OTUD7A: variants seen among roughly 807,000 people sequenced by gnomAD.
OTUD7A encodes the protein OTU deubiquitinase 7A.
A neutral mutation model predicts 65.7 loss-of-function variants in OTUD7A; 12 were observed. The observed-to-expected ratio is 0.18, with a 90% CI of 0.12 to 0.30. The LOEUF (loss-of-function observed/expected upper bound fraction) is 0.30. OTUD7A is among the 10% of genes least tolerant of loss of function. The probability of loss-of-function intolerance (pLI) is 1.00; values close to 1 mark genes in which losing one functional copy is unlikely to be tolerated. For missense variants in OTUD7A, 1,148 were observed against 1,304.8 expected, an observed-to-expected ratio of 0.88 and a Z score of 1.85; for synonymous variants, 641 against 586.3, an observed-to-expected ratio of 1.09 and a Z score of -1.35.
rs1332650899 is a variant in OTUD7A at position 31,526,491 on chromosome 15, G to A, written c.781-30C>T. ...CAGAGGGGAGCCGGCTCAGAAGGGG[G>A]GTGGGCCACAGCTGCGCTGCCCTCC... On this transcript the variant is annotated intron_variant, in intron 7 of 12. Transcript: ENST00000307050. 28 of 1,517,990 alleles carry A rather than the reference G, an allele frequency of 1.8e-5. No individual in the cohort carries two copies. The South Asian group carries it at 3.1e-4, about 17-fold the overall frequency. 94.0% of individuals were successfully genotyped at this position (1,517,990 alleles called of 1,614,324 possible).
At chr15:31,496,963 G>A (rs998599491) in intron 10 of OTUD7A, among the ~76,000 whole-genome samples, 2 of 152,204 alleles carry the variant, frequency 1.3e-5, no homozygotes, top group Admixed American at 1.3e-4. Context: ...CCCAATAAAG[G>A]GATGGCCAAC....
chr15:31,801,668 CTGTG>C (rs944255551), intron 1 of OTUD7A, among the ~76,000 whole-genome samples: 37 of 152,242 alleles, frequency 2.4e-4, no homozygotes, highest in Admixed American at 2.4e-3. Context: ...CTACATTGTG[CTGTG>C]TGTATGTGTG....
intron 1 of OTUD7A, among the ~76,000 whole-genome samples, chr15:31,746,271 C>T (rs537576326): frequency 1.3e-5 from 2 of 152,268 alleles, no homozygotes; most frequent in Admixed American, 1.3e-4. Context: ...AATAGTGACA[C>T]AACACTGAAA....
At chr15:31,856,631 C>G (rs1196941613) in intron 1 of OTUD7A, among the ~76,000 whole-genome samples, 1 of 152,204 alleles carries the variant, frequency 6.6e-6, no homozygotes, top group Non-Finnish European at 1.5e-5. Context: ...CAAAACACCA[C>G]AAGCAAAGTG....
At chr15:31,674,059 G>A (rs2141298636) in intron 1 of OTUD7A, among the ~76,000 whole-genome samples, 1 of 152,236 alleles carries the variant, frequency 6.6e-6, no homozygotes, top group South Asian at 2.1e-4. Context: ...ACCTAGATTG[G>A]AATCAGTACT....
chr15:31,530,485 C>T (rs1012842542), intron 6 of OTUD7A, among the ~76,000 whole-genome samples: 4 of 152,184 alleles, frequency 2.6e-5, no homozygotes, highest in African/African-American at 9.7e-5. Context: ...TTCTATCACG[C>T]CAGGTCTTTT....
chr15:31,658,792 C>T lies in OTUD7A; in HGVS notation c.-99-1715G>A, dbSNP rs1186897166. ...CCTGTAATCCCAGCACTTTGGGAGG[C>T]CGAGGCTCGTAGATCACCTGAGGTC... is the stretch of plus-strand genomic sequence containing the variant. On this transcript the variant is annotated intron_variant, in intron 1 of 12. Coordinates refer to ENST00000307050, the MANE Select transcript of OTUD7A (RefSeq NM_001382637.1). Among the ~76,000 whole-genome samples, 6 of 151,680 alleles carry T rather than the reference C, an allele frequency of 4.0e-5. No homozygotes were observed. In the East Asian group the frequency reaches 9.7e-4, roughly 24 times the overall value.
chr15:31,770,889 A>G (rs1208067666), intron 1 of OTUD7A, among the ~76,000 whole-genome samples: 1 of 152,236 alleles, frequency 6.6e-6, no homozygotes, highest in African/African-American at 2.4e-5. Context: ...CAGATTAAGA[A>G]TATAAAAGGA....
intron 3 of OTUD7A, among the ~76,000 whole-genome samples, chr15:31,578,986 T>C (rs1889290273): frequency 6.6e-6 from 1 of 152,228 alleles, no homozygotes; most frequent in Admixed American, 6.5e-5. Context: ...TGGTCACTCA[T>C]ATTTGGCTCC....
intron 1 of OTUD7A, among the ~76,000 whole-genome samples, chr15:31,791,051 G>A (rs899405931): frequency 1.3e-5 from 2 of 152,102 alleles, no homozygotes; most frequent in African/African-American, 4.8e-5. Context: ...CTTTTGAGAC[G>A]GAGTCTTGTT....
At chr15:31,803,659 G>A (rs753028742) in intron 1 of OTUD7A, among the ~76,000 whole-genome samples, 16 of 152,184 alleles carry the variant, frequency 1.1e-4, no homozygotes, top group South Asian at 2.1e-4. Context: ...ATTATGACTC[G>A]GAAGACTGGC....
At chr15:31,585,049 C>G (rs889741498) in intron 3 of OTUD7A, among the ~76,000 whole-genome samples, 1 of 152,198 alleles carries the variant, frequency 6.6e-6, no homozygotes, top group African/African-American at 2.4e-5. Context: ...GACATTGCGC[C>G]TCCCTTTGTT....
chr15:31,570,807 G>C (rs1167579914), intron 3 of OTUD7A, among the ~76,000 whole-genome samples: 1 of 152,028 alleles, frequency 6.6e-6, no homozygotes, highest in Non-Finnish European at 1.5e-5. Flanking sequence ...CCCCGACACG[G>C]GGTGCTGGAC....
chr15:31,870,432 C>A, intron 1 of OTUD7A, 75 bp downstream of exon 1: 1 of 147,028 alleles, frequency 6.8e-6, no homozygotes, highest in South Asian at 1.9e-4. Context: ...GCCCCGCGCC[C>A]GGAGAGCGCA....
chr15:31,833,169 G>GA (rs879727368), intron 1 of OTUD7A, among the ~76,000 whole-genome samples: 2 of 152,162 alleles, frequency 1.3e-5, no homozygotes, highest in African/African-American at 2.4e-5. Context: ...CTTTCCCAGA[G>GA]AAAAAATGAA....
rs920557177 is a variant in OTUD7A, at chr15:31,483,805, G to A, written c.2291C>T (p.Pro764Leu). Residue 764 changes from proline to leucine, a missense_variant, in exon 13 of 13, where the codon CCA becomes CTA. Physicochemically the swap from Pro to Leu is moderately conservative, Grantham distance 98 (BLOSUM62 -3). This residue lies in a region of OTUD7A where 842 missense variants were observed against 769.5 expected (regional missense o/e 1.09). Coordinates refer to ENST00000307050, the MANE Select transcript of OTUD7A (RefSeq NM_001382637.1). Reference protein sequence around the residue: ...GGARRASASGPVPGRSPPAPA... With the variant: ...GGARRASASGLVPGRSPPAPA... ...CGCCGGGGGGCTGCGGCCAGGCACT[G>A]GTCCGCTGGCGCTCGCACGCCGCGC... 1 of 1,014,994 alleles carries A rather than the reference G, an allele frequency of 9.9e-7. No individual in the cohort carries two copies. The highest frequency in any genetic ancestry group is 9.7e-5 in the East Asian group (1 of 10,300). 62.9% of individuals were successfully genotyped at this position (1,014,994 alleles called of 1,614,324 possible).
intron 8 of OTUD7A, among the ~76,000 whole-genome samples, chr15:31,509,866 G>T (rs8039680): frequency 6.6e-6 from 1 of 150,486 alleles, no homozygotes; most frequent in Non-Finnish European, 1.5e-5. Flanking sequence ...TAATTTTACC[G>T]TGTCTTTCTT....
chr15:31,646,927 G>T (rs989951914), intron 3 of OTUD7A, among the ~76,000 whole-genome samples: 1 of 152,060 alleles, frequency 6.6e-6, no homozygotes, highest in African/African-American at 2.4e-5. Flanking sequence ...GGTCTTAATG[G>T]GTCTGTTTAA....
intron 1 of OTUD7A, among the ~76,000 whole-genome samples, chr15:31,723,405 C>CCT (rs1893801151): frequency 1.4e-5 from 1 of 69,202 alleles, no homozygotes; most frequent in African/African-American, 6.0e-5. Flanking sequence ...CCCCCCCCCC[C>CCT]CCGCCCCCCG....
Sources: gnomAD v4.1 joint callset for allele counts (sites outside exome capture counted in the v4.1 genomes callset) on GRCh38, gnomAD v4.1.1 for gene constraint, gnomAD v4.1.1 regional missense constraint, MANE v1.5 for transcripts, NCBI Gene and HGNC (gene_info 2026-07-23, HGNC 2026-07-21) for gene names.